The following GAL3ST2 variants were observed in gnomAD, a reference collection of about 807,000 sequenced individuals.
GAL3ST2 encodes the protein galactose-3-O-sulfotransferase 2.
GAL3ST2 carries 16 observed loss-of-function variants against 12.9 expected under a neutral mutation model. The ratio of observed to expected loss-of-function variants is 1.24; its 90% CI spans 0.84 to 1.88. The LOEUF (loss-of-function observed/expected upper bound fraction) is 1.88, where lower values mean the gene tolerates loss of function less well. GAL3ST2 is among the 40% of genes most tolerant of loss of function. GAL3ST2 has a pLI of 0.00. For synonymous variants in GAL3ST2, 302 were observed against 273.9 expected (o/e 1.10, Z -1.01); for missense variants, 639 against 571.8 (o/e 1.12, Z -1.20).
Position 241,803,945 on chromosome 2 carries a change from G to T in GAL3ST2, c.976G>T (p.Gly326Cys). ...CGCGAGCCTGTGCCTGCAGGACGGCGGCGCGCTCAAGAACCACACGCAGAT... is the reference window on the plus strand; with the variant it reads ...CGCGAGCCTGTGCCTGCAGGACGGCTGCGCGCTCAAGAACCACACGCAGAT... ...ELASLCLQDG[G>C]ALKNHTQIRD... Residue 326 changes from glycine (G) to cysteine (C), a missense_variant, in exon 4 of 4, where the codon GGC (glycine) becomes TGC (cysteine). By Grantham distance (159) the Gly-to-Cys change is radical. Transcript: ENST00000192314. 1 of 1,466,224 alleles carries T rather than the reference G, an allele frequency of 6.8e-7. No individual in the cohort carries two copies. The highest frequency in any genetic ancestry group is 2.7e-5 in the Admixed American group (1 of 37,632). 90.8% of individuals were successfully genotyped at this position (1,466,224 alleles called of 1,614,324 possible).
At chr2:241,777,131 C>A in intron 1 of GAL3ST2, 147 bp downstream of exon 1, 2 of 730,976 alleles carry the variant, frequency 2.7e-6, no homozygotes, top group Non-Finnish European at 4.0e-6. Context: ...CCTGAATTCA[C>A]CTGTCTTGGC....
intron 1 of GAL3ST2, among the ~76,000 whole-genome samples, chr2:241,782,974 C>T (rs1699583838): frequency 1.3e-5 from 2 of 152,068 alleles, no homozygotes; most frequent in South Asian, 4.1e-4. Flanking sequence ...CCTGTCTCTA[C>T]TAAAAATGTA....
intron 1 of GAL3ST2, among the ~76,000 whole-genome samples, chr2:241,789,619 C>T (rs964044677): frequency 2.0e-5 from 3 of 152,170 alleles, no homozygotes; most frequent in East Asian, 3.9e-4. Context: ...TGGTGGCTCA[C>T]GCCTATAATC....
Position 241,795,445 on chromosome 2 carries a change from G to A in GAL3ST2, c.30-3620G>A, listed in dbSNP as rs1041690562. On this transcript the variant is annotated intron_variant, in intron 1 of 3. Transcript: ENST00000192314. The surrounding 1 kb of genome is among the most constrained non-coding windows in gnomAD (Gnocchi z 4.5). ...CAGTGCGTCCCATAAAAGTGCAGAG[G>A]GGCTATAAAAGTGCAGAGTGAGGGG... 6.6e-6 allele frequency among the ~76,000 whole-genome samples: 1 copy of A among 152,172 alleles called. No homozygotes were observed. The highest frequency in any genetic ancestry group is 2.4e-5 in the African/African-American group (1 of 41,422).
intron 1 of GAL3ST2, among the ~76,000 whole-genome samples, chr2:241,798,107 G>GGT (rs1161295478): frequency 6.6e-6 from 1 of 152,196 alleles, no homozygotes; most frequent in Admixed American, 6.5e-5. Flanking sequence ...CCAGAGGATG[G>GGT]GGGACCCTGG....
Position 241,793,375 on chromosome 2 carries a change from GTATT to G in GAL3ST2, c.30-5689_30-5686del, listed in dbSNP as rs1244975115. 2.6e-5 allele frequency among the ~76,000 whole-genome samples: 4 copies of G among 151,888 alleles called. No individual in the cohort carries two copies. The highest frequency in any genetic ancestry group is 5.9e-5 in the Non-Finnish European group (4 of 67,968). ...GTGTGTGTATTGTGTGTGTATGTAT[GTATT>G]GTGTATGCATGTGTGTGTATATGTA... is the stretch of plus-strand genomic sequence containing the variant. On this transcript the variant is annotated intron_variant, in intron 1 of 3. Coordinates refer to ENST00000192314, the MANE Select transcript of GAL3ST2 (RefSeq NM_022134.3). This position sits in a 1 kb window ranked among gnomAD's most constrained non-coding sequence, Gnocchi z 4.7.
chr2:241,777,273 G>A (rs1174462884), intron 1 of GAL3ST2, among the ~76,000 whole-genome samples: 3 of 152,216 alleles, frequency 2.0e-5, no homozygotes, highest in Non-Finnish European at 1.5e-5. Context: ...TCGAGTGTCC[G>A]CGTGACGGCT....
rs374575935 is a variant in GAL3ST2 at position 241,802,081 on chromosome 2, T to C, written c.375+45T>C. On this transcript the variant is annotated intron_variant, in intron 3 of 3. Coordinates refer to ENST00000192314, the MANE Select transcript of GAL3ST2 (RefSeq NM_022134.3). This position sits in a 1 kb window ranked among gnomAD's most constrained non-coding sequence, Gnocchi z 4.8. ...GAGGAGGGCGGGCTGCAGCCGTGCCTGTGGCTGTGGGTCTGGGTGGTGTAG... is the reference window on the plus strand; with the variant it reads ...GAGGAGGGCGGGCTGCAGCCGTGCCCGTGGCTGTGGGTCTGGGTGGTGTAG... 2 of 1,557,968 alleles carry C rather than the reference T, an allele frequency of 1.3e-6. No homozygotes were observed. Among genetic ancestry groups the C allele is most frequent in the African/African-American group, 1.4e-5 (1 of 73,844 alleles).
chr2:241,784,268 C>G (rs1327095303), intron 1 of GAL3ST2, among the ~76,000 whole-genome samples: 1 of 152,124 alleles, frequency 6.6e-6, no homozygotes, highest in Non-Finnish European at 1.5e-5. Flanking sequence ...CTCCTAACCT[C>G]GTGATCCACC....
intron 1 of GAL3ST2, among the ~76,000 whole-genome samples, chr2:241,790,699 A>G (rs73011960): frequency 0.031 from 4,659 of 152,258 alleles, 96 homozygotes; most frequent in Middle Eastern, 0.058. Context: ...TTGCCCTACA[A>G]CGTCTCTTGT....
At chr2:241,794,242 C>A (rs1381284092) in intron 1 of GAL3ST2, among the ~76,000 whole-genome samples, 1 of 152,200 alleles carries the variant, frequency 6.6e-6, no homozygotes, top group Non-Finnish European at 1.5e-5. Context: ...GCCACCACAC[C>A]TGGCCAAGAC....
chr2:241,778,941 T>C (rs1040520987), intron 1 of GAL3ST2, among the ~76,000 whole-genome samples: 4 of 152,246 alleles, frequency 2.6e-5, no homozygotes, highest in Middle Eastern at 3.4e-3. Context: ...GATACGCATT[T>C]ATCTCAGTGA....
At position 241,801,859 on chromosome 2, in the gene GAL3ST2, G is replaced by A. The variant is rs762314079; in HGVS notation, c.198G>A (p.Thr66=). The stretch of plus-strand genomic sequence containing the variant: ...AGACGCACAAGACGGCCAGCAGCAC[G>A]GTGCTCAACATCCTCTACCGCTTCG... ...FLKTHKTASS[T]VLNILYRFAE... is the part of the protein sequence containing the mutation. Residue 66 remains threonine (T), a synonymous_variant, in exon 3 of 4, where the codon ACG becomes ACA. Transcript: ENST00000192314. The surrounding 1 kb of genome is among the most constrained non-coding windows in gnomAD (Gnocchi z 4.4). The A allele has an allele frequency of 3.1e-6, 5 of 1,612,974 alleles. No homozygotes were observed. In the South Asian group the frequency reaches 3.3e-5, roughly 11 times the overall value.
intron 1 of GAL3ST2, among the ~76,000 whole-genome samples, chr2:241,798,348 C>G (rs765067182): frequency 1.3e-5 from 2 of 152,220 alleles, no homozygotes; most frequent in Non-Finnish European, 2.9e-5. Context: ...TGCTTCTCAC[C>G]GTTCTGGAGG....
In GAL3ST2 at chr2:241,801,838, G is replaced by A. The variant is rs746736076; in HGVS notation, c.177G>A (p.Thr59=). ...TCACCAACATCATGTTCCTGAAGAC[G>A]CACAAGACGGCCAGCAGCACGGTGC... ...PPVTNIMFLK[T]HKTASSTVLN... The change falls in exon 3 of 4, where the codon ACG becomes ACA. Residue 59 remains threonine (T), a synonymous_variant. Coordinates refer to ENST00000192314, the MANE Select transcript of GAL3ST2 (RefSeq NM_022134.3). This position sits in a 1 kb window ranked among gnomAD's most constrained non-coding sequence, Gnocchi z 4.4. 1.1e-5 allele frequency: 17 copies of A among 1,612,832 alleles called. No homozygotes were observed. The Admixed American group carries it at 1.3e-4, about 13-fold the overall frequency.
intron 1 of GAL3ST2, among the ~76,000 whole-genome samples, chr2:241,787,946 A>G (rs1001176838): frequency 6.6e-6 from 1 of 152,142 alleles, no homozygotes; most frequent in African/African-American, 2.4e-5. Context: ...ATTTGGCTAA[A>G]ATTCCTTGCA....
At chr2:241,792,014 CTTTT>C (rs765348346) in intron 1 of GAL3ST2, among the ~76,000 whole-genome samples, 1 of 133,952 alleles carries the variant, frequency 7.5e-6, no homozygotes, top group Non-Finnish European at 1.6e-5. Context: ...TTCTTTCTTT[CTTTT>C]TTTTTTTTTT....
In GAL3ST2 at chr2:241,793,508, GTATA is replaced by G. The variant is rs1243145390; in HGVS notation, c.30-5555_30-5552del. On this transcript the variant is annotated intron_variant, in intron 1 of 3. Coordinates refer to ENST00000192314, the MANE Select transcript of GAL3ST2 (RefSeq NM_022134.3). This position sits in a 1 kb window ranked among gnomAD's most constrained non-coding sequence, Gnocchi z 4.7. Reference sequence around the variant, plus strand: ...ATATGTACATATTGTGTATGTGTGTGTATATGTATGTGTGTATTGTGTTTATATG... The same window carrying G: ...ATATGTACATATTGTGTATGTGTGTGTGTATGTGTGTATTGTGTTTATATG... Among the ~76,000 whole-genome samples the G allele has an allele frequency of 6.6e-6, 1 of 151,252 alleles. No individual in the cohort carries two copies. The highest frequency in any genetic ancestry group is 1.5e-5 in the Non-Finnish European group (1 of 67,956).
chr2:241,801,975 G>T lies in GAL3ST2; in HGVS notation c.314G>T (p.Gly105Val), dbSNP rs1357569849. Residue 105 changes from glycine to valine, a missense_variant, in exon 3 of 4, where the codon GGC (glycine) becomes GTC (valine). Coordinates refer to ENST00000192314, the MANE Select transcript of GAL3ST2 (RefSeq NM_022134.3). The surrounding 1 kb of genome is among the most constrained non-coding windows in gnomAD (Gnocchi z 4.4). ...PWLFLARYVE[G>V]VGSQQRFNIM... Reference sequence around the variant, plus strand: ...CTCTTCCTGGCGCGCTACGTGGAAGGCGTGGGGTCGCAGCAGCGCTTCAAC... The same window carrying T: ...CTCTTCCTGGCGCGCTACGTGGAAGTCGTGGGGTCGCAGCAGCGCTTCAAC... 2 of 1,612,962 alleles carry T rather than the reference G, an allele frequency of 1.2e-6. No homozygotes were observed. The highest frequency in any genetic ancestry group is 1.7e-6 in the Non-Finnish European group (2 of 1,179,920).
Sources: gnomAD v4.1 joint callset for allele counts (sites outside exome capture counted in the v4.1 genomes callset) on GRCh38, gnomAD v4.1.1 for gene constraint, Gnocchi (gnomAD v3.1) non-coding constraint, MANE v1.5 for transcripts, NCBI Gene and HGNC (gene_info 2026-07-23, HGNC 2026-07-21) for gene names.